TRIM66: variants seen among roughly 807,000 people sequenced by gnomAD.
The protein encoded by TRIM66 is tripartite motif-containing protein 66.
A neutral mutation model predicts 148.2 loss-of-function variants in TRIM66; 99 were observed. The observed-to-expected ratio is 0.67, with a 90% CI of 0.57 to 0.79. The LOEUF is 0.79. TRIM66 is among the 30% of genes least tolerant of loss of function. The probability of loss-of-function intolerance (pLI) is 0.00; values close to 1 mark genes in which losing one functional copy is unlikely to be tolerated. For missense variants in TRIM66, 1,666 were observed against 1,697.9 expected, an observed-to-expected ratio of 0.98 and a Z score of 0.33; for synonymous variants, 616 against 635.9, an observed-to-expected ratio of 0.97 and a Z score of 0.47.
At chr11:8,662,008 T>C (rs2038293267) in intron 6 of TRIM66, among the ~76,000 whole-genome samples, 1 of 152,182 alleles carries the variant, frequency 6.6e-6, no homozygotes, top group Non-Finnish European at 1.5e-5. Context: ...GGTCCTGTTC[T>C]GGGGTGCCAG....
chr11:8,647,038 A>G (rs2036913914), intron 10 of TRIM66, among the ~76,000 whole-genome samples: 1 of 149,126 alleles, frequency 6.7e-6, no homozygotes, highest in Non-Finnish European at 1.5e-5. Flanking sequence ...TATAATAAAC[A>G]TATTATATAA....
Position 8,624,801 on chromosome 11 carries a change from G to A in TRIM66, c.2738C>T (p.Thr913Ile), listed in dbSNP as rs1295959973. ...TCGGCCAGAACTGGAGCTGGACCCA[G>A]TTTCTGGCTGCATGTCAGAAACTGG... ...IPPVSDMQPETGSSSSSGRTS... is the reference protein window; with the variant it reads ...IPPVSDMQPEIGSSSSSGRTS... Residue 913 changes from threonine to isoleucine, a missense_variant, in exon 16 of 25, where the codon ACT becomes ATT. Physicochemically the swap from Thr to Ile is moderately conservative, Grantham distance 89. This residue lies in a region of TRIM66 where 1,431 missense variants were observed against 1,412.4 expected (regional missense o/e 1.01). Coordinates refer to ENST00000646038, the MANE Select transcript of TRIM66 (RefSeq NM_001388022.1). The A allele has an allele frequency of 1.9e-6, 3 of 1,551,532 alleles. No individual in the cohort carries two copies. The highest frequency in any genetic ancestry group is 2.4e-5 in the South Asian group (2 of 84,038).
chr11:8,623,439 G>T (rs1447743769), intron 17 of TRIM66, among the ~76,000 whole-genome samples: 1 of 152,220 alleles, frequency 6.6e-6, no homozygotes, highest in South Asian at 2.1e-4. Context: ...CGCAAGCAGG[G>T]TCTAAAAAGT....
At chr11:8,624,650 G>C in intron 16 of TRIM66, 63 bp downstream of exon 16, 1 of 1,475,542 alleles carries the variant, frequency 6.8e-7, no homozygotes, top group Non-Finnish European at 9.0e-7. Flanking sequence ...AAGGGTCCCA[G>C]TGGCCAATCT....
chr11:8,630,184 G>T (rs988999700), intron 15 of TRIM66, among the ~76,000 whole-genome samples: 7 of 152,134 alleles, frequency 4.6e-5, no homozygotes, highest in African/African-American at 1.7e-4. Context: ...CCAGGGCCTG[G>T]GAGGAGAGGA....
At chr11:8,667,805 A>G (rs1445166086) in intron 6 of TRIM66, among the ~76,000 whole-genome samples, 3 of 152,212 alleles carry the variant, frequency 2.0e-5, no homozygotes, top group Non-Finnish European at 4.4e-5. Context: ...TTGTTTATCC[A>G]TTCATCTGTT....
At chr11:8,636,938 A>G (rs4929927) in intron 15 of TRIM66, among the ~76,000 whole-genome samples, 89,246 of 151,904 alleles carry the variant, frequency 0.59, 26,677 homozygotes, top group Non-Finnish European at 0.65. Context: ...GCCAAATTAC[A>G]AATTATCTGA....
At chr11:8,673,099 T>G (rs372377315) in intron 4 of TRIM66, among the ~76,000 whole-genome samples, 3 of 151,812 alleles carry the variant, frequency 2.0e-5, no homozygotes, top group African/African-American at 7.2e-5. Flanking sequence ...ACCACCGCCC[T>G]GGCTAATTTT....
At chr11:8,636,836 G>T (rs1339457900) in intron 15 of TRIM66, among the ~76,000 whole-genome samples, 3 of 152,016 alleles carry the variant, frequency 2.0e-5, no homozygotes, top group African/African-American at 4.8e-5. Context: ...CCCCAAGACT[G>T]AATCCCAGTT....
rs1230716089 is a variant in TRIM66 at position 8,640,471 on chromosome 11, G to A, written c.1904C>T (p.Ser635Phe). The change falls in exon 14 of 25, where the codon TCT becomes TTT. Residue 635 changes from serine to phenylalanine, a missense_variant. Transcript: ENST00000646038. The stretch of plus-strand genomic sequence containing the variant: ...GCCAGGAGGGCTCTCGTGCTGACTA[G>A]AAGCCAGATGCTGGGATGGAGGAAG... Reference protein sequence around the residue: ...PPLPPSQHLASSQHESPPGPA... With the variant: ...PPLPPSQHLAFSQHESPPGPA... The A allele has an allele frequency of 6.5e-7, 1 of 1,534,684 alleles. No individual in the cohort carries two copies.
At chr11:8,651,941 T>G in intron 6 of TRIM66, 38 bp from the exon 7 acceptor site, 2 of 1,504,544 alleles carry the variant, frequency 1.3e-6, no homozygotes, top group Non-Finnish European at 1.8e-6. Flanking sequence ...CAGGGCAACA[T>G]GGCTGATTAT....
upstream of TRIM66, chr11:8,683,052 A>G (rs1213886696): frequency 6.8e-5 from 61 of 899,212 alleles, no homozygotes; most frequent in Non-Finnish European, 2.3e-5. Flanking sequence ...GTGAGACCTC[A>G]CGGCCCTGAG....
Position 8,648,014 on chromosome 11 carries a change from A to T in TRIM66, c.798T>A (p.His266Gln). The change falls in exon 10 of 25, where the codon CAT becomes CAA. Residue 266 changes from histidine to glutamine, a missense_variant. This residue lies in a region of TRIM66 where 1,431 missense variants were observed against 1,412.4 expected (regional missense o/e 1.01). Transcript: ENST00000646038. ...LLEGVTTQVA[H>Q]KKSSLQTSAK... The stretch of plus-strand genomic sequence containing the variant: ...CAGATGTCTGTAGACTGGATTTCTT[A>T]TGTGCCACCTGTGTAGTCACACCTT... 1.3e-6 allele frequency: 2 copies of T among 1,551,720 alleles called. No homozygotes were observed. The highest frequency in any genetic ancestry group is 1.7e-6 in the Non-Finnish European group (2 of 1,146,996).
At chr11:8,652,554 C>A (rs914876567) in intron 6 of TRIM66, among the ~76,000 whole-genome samples, 1 of 152,134 alleles carries the variant, frequency 6.6e-6, no homozygotes, top group African/African-American at 2.4e-5. Context: ...ACAGCTTGAC[C>A]TACAATCTCT....
rs11517718 is a variant in TRIM66, at chr11:8,671,858, G to T, written c.268C>A (p.Arg90Ser). ...ATCAAGCCCTGGAAGCAGTCCTTAC[G>T]GAGCAAATGCTGGCAGGATAGGAGA... ...SHLLSCQHLL[R>S]KDCFQGLIQE... The change falls in exon 6 of 25, where the codon CGT becomes AGT. Residue 90 changes from arginine to serine, a missense_variant. By Grantham distance (110) the Arg-to-Ser change is moderately radical. Transcript: ENST00000646038. The T allele has an allele frequency of 0.28, 422,548 of 1,535,504 alleles. 61,736 individuals carry two copies. Among genetic ancestry groups the T allele is most frequent in the Non-Finnish European group, 0.31 (351,797 of 1,146,416 alleles).
At chr11:8,682,859 A>T (rs752372662), upstream of TRIM66, 6 of 1,596,610 alleles carry the variant, frequency 3.8e-6, no homozygotes, top group Middle Eastern at 3.3e-4. Context: ...GCCGGCGGAG[A>T]CCCCTAAGCT....
intron 6 of TRIM66, among the ~76,000 whole-genome samples, chr11:8,666,341 GAAAA>G (rs558326812): frequency 1.3e-4 from 3 of 23,542 alleles, no homozygotes; most frequent in Admixed American, 5.0e-4. Context: ...CTCCGCCTCA[GAAAA>G]AAAAAAAAAA....
At chr11:8,661,888 A>C (rs1592177626) in intron 6 of TRIM66, among the ~76,000 whole-genome samples, 1 of 152,128 alleles carries the variant, frequency 6.6e-6, no homozygotes, top group South Asian at 2.1e-4. Flanking sequence ...CTCCCTCAGC[A>C]AATCTGTTCT....
chr11:8,637,600 A>AC (rs1454186991), intron 15 of TRIM66, among the ~76,000 whole-genome samples: 1 of 152,186 alleles, frequency 6.6e-6, no homozygotes, highest in African/African-American at 2.4e-5. Context: ...ACGGAGACTG[A>AC]CTGTTCTAAG....
Sources: allele counts gnomAD v4.1 joint callset (sites outside exome capture counted in the v4.1 genomes callset), GRCh38; gene constraint gnomAD v4.1.1; regional missense constraint gnomAD v4.1.1; transcripts MANE v1.5; gene names NCBI Gene and HGNC (gene_info 2026-07-23, HGNC 2026-07-21).